CNTNAP5: variants seen among roughly 807,000 people sequenced by gnomAD.
The protein encoded by CNTNAP5 is contactin-associated protein-like 5.
CNTNAP5 carries 72 observed loss-of-function variants against 150.2 expected under a neutral mutation model. The observed-to-expected ratio is 0.48, with a 90% CI of 0.40 to 0.58. The LOEUF (loss-of-function observed/expected upper bound fraction) is 0.58, where lower values mean the gene tolerates loss of function less well. Ranked by LOEUF, CNTNAP5 falls within the 20% of genes least tolerant of loss-of-function variation. CNTNAP5 has a pLI of 0.00. For synonymous variants in CNTNAP5, 672 were observed against 619.8 expected, an observed-to-expected ratio of 1.08 and a Z score of -1.25; for missense variants, 1,636 against 1,626.2, an observed-to-expected ratio of 1.01 and a Z score of -0.10.
chr2:124,745,587 T>G (rs1680588077), intron 13 of CNTNAP5, among the ~76,000 whole-genome samples: 1 of 152,192 alleles, frequency 6.6e-6, no homozygotes, highest in Non-Finnish European at 1.5e-5. Flanking sequence ...ATGTGTAGTA[T>G]TTTACAGTGA....
intron 17 of CNTNAP5, among the ~76,000 whole-genome samples, chr2:124,782,245 T>C (rs1681467935): frequency 6.6e-6 from 1 of 152,192 alleles, no homozygotes; most frequent in Non-Finnish European, 1.5e-5. Context: ...CATTTATTCC[T>C]GAAGGCCACG....
At chr2:124,297,811 TTA>T (rs1553456096) in intron 3 of CNTNAP5, among the ~76,000 whole-genome samples, 1,157 of 14,664 alleles carry the variant, frequency 0.079, 8 homozygotes, top group Middle Eastern at 0.12. Flanking sequence ...ATCCAATTAT[TTA>T]TTATTATTAT....
chr2:124,888,774 C>CT (rs895353593), intron 21 of CNTNAP5, among the ~76,000 whole-genome samples: 28 of 150,678 alleles, frequency 1.9e-4, no homozygotes, highest in African/African-American at 3.4e-4. Flanking sequence ...GTCCTTTGCC[C>CT]TTTTTTTTTA....
At chr2:124,413,898 TAAA>T (rs1196008626) in intron 3 of CNTNAP5, among the ~76,000 whole-genome samples, 6 of 125,194 alleles carry the variant, frequency 4.8e-5, no homozygotes, top group African/African-American at 2.3e-4. Context: ...AATAAATAAA[TAAA>T]TTAAAAAAAA....
intron 1 of CNTNAP5, among the ~76,000 whole-genome samples, chr2:124,046,433 G>GAGAAAA (rs376445841): frequency 7.4e-6 from 1 of 134,610 alleles, no homozygotes; most frequent in Non-Finnish European, 1.5e-5. Flanking sequence ...ACAAAAGAGA[G>GAGAAAA]AAAAAAAAAA....
chr2:124,270,836 C>G (rs894656830), intron 3 of CNTNAP5, among the ~76,000 whole-genome samples: 1 of 152,116 alleles, frequency 6.6e-6, no homozygotes, highest in Non-Finnish European at 1.5e-5. Context: ...GTCAAAATGT[C>G]AGATCTCTTT....
At chr2:124,514,837 G>C (rs1010324395) in intron 8 of CNTNAP5, among the ~76,000 whole-genome samples, 1 of 152,326 alleles carries the variant, frequency 6.6e-6, no homozygotes, top group African/African-American at 2.4e-5. Context: ...TTAGCTGCCT[G>C]GGGCCCAGAT....
chr2:124,202,615 T>A (rs1685756089), intron 1 of CNTNAP5, among the ~76,000 whole-genome samples: 1 of 151,706 alleles, frequency 6.6e-6, no homozygotes, highest in South Asian at 2.1e-4. Flanking sequence ...GAAAAAGAGG[T>A]TTAATGGACT....
At chr2:124,099,827 C>T (rs879748741) in intron 1 of CNTNAP5, among the ~76,000 whole-genome samples, 1 of 152,044 alleles carries the variant, frequency 6.6e-6, no homozygotes, top group African/African-American at 2.4e-5. Context: ...TTTTCAAAAA[C>T]CAGATCTCAT....
chr2:124,299,181 G>A (rs1420223009), intron 3 of CNTNAP5, among the ~76,000 whole-genome samples: 1 of 152,160 alleles, frequency 6.6e-6, no homozygotes, highest in African/African-American at 2.4e-5. Flanking sequence ...GGAGGGGCCA[G>A]GCTCTTCCCC....
chr2:124,877,078 G>T (rs764776220), intron 21 of CNTNAP5, among the ~76,000 whole-genome samples: 68 of 151,908 alleles, frequency 4.5e-4, no homozygotes, highest in Non-Finnish European at 7.5e-4. Context: ...TCCCCACAGA[G>T]AAATTCAGTA....
At chr2:124,766,868 T>A (rs1247800312) in intron 16 of CNTNAP5, among the ~76,000 whole-genome samples, 1 of 152,184 alleles carries the variant, frequency 6.6e-6, no homozygotes, top group Non-Finnish European at 1.5e-5. Context: ...CAAAACCCAC[T>A]GAAGTAATTG....
chr2:124,749,344 C>T (rs532309361), intron 14 of CNTNAP5, among the ~76,000 whole-genome samples: 1 of 151,824 alleles, frequency 6.6e-6, no homozygotes, highest in African/African-American at 2.4e-5. Context: ...CCTCCCCTCC[C>T]TCCTCCTTCC....
chr2:124,509,146 C>G (rs981900090), intron 8 of CNTNAP5, among the ~76,000 whole-genome samples: 1 of 152,202 alleles, frequency 6.6e-6, no homozygotes, highest in East Asian at 1.9e-4. Context: ...CTCACACCTT[C>G]AACCCTGTTC....
chr2:124,354,836 A>C (rs575654726), intron 3 of CNTNAP5, among the ~76,000 whole-genome samples: 1 of 152,240 alleles, frequency 6.6e-6, no homozygotes, highest in Admixed American at 6.5e-5. Context: ...AAATATGACC[A>C]GATTTTTTAT....
intron 10 of CNTNAP5, among the ~76,000 whole-genome samples, chr2:124,541,179 A>ATTTGTTTTTTTTTTTTTTTTTTTTT (rs1695373419): frequency 1.2e-5 from 1 of 83,082 alleles, no homozygotes. Flanking sequence ...CAAAATTCCG[A>ATTTGTTTTTTTTTTTTTTTTTTTTT]TTTTTTTTTT....
At chr2:124,712,752 T>A (rs1418219690) in intron 13 of CNTNAP5, among the ~76,000 whole-genome samples, 2 of 152,026 alleles carry the variant, frequency 1.3e-5, no homozygotes, top group Non-Finnish European at 2.9e-5. Flanking sequence ...AGCCTTTTTT[T>A]TTTTTCTTTT....
chr2:124,609,747 A>C (rs1339144252), intron 11 of CNTNAP5, 54 bp from the exon 12 acceptor site: 1 of 1,584,728 alleles, frequency 6.3e-7, no homozygotes, highest in African/African-American at 1.3e-5. Flanking sequence ...GATTCCTGCA[A>C]AGGGATATGC....
chr2:124,447,440 G>A (rs534107344), intron 6 of CNTNAP5, among the ~76,000 whole-genome samples: 1 of 152,138 alleles, frequency 6.6e-6, no homozygotes, highest in African/African-American at 2.4e-5. Flanking sequence ...ACAGTGAAAT[G>A]AACCAGTTCA....
Sources: gnomAD v4.1 joint callset for allele counts (sites outside exome capture counted in the v4.1 genomes callset) on GRCh38, gnomAD v4.1.1 for gene constraint, MANE v1.5 for transcripts, NCBI Gene and HGNC (gene_info 2026-07-23, HGNC 2026-07-21) for gene names.